The following CEP70 variants were observed in gnomAD, a reference collection of about 807,000 sequenced individuals.
CEP70 encodes centrosomal protein of 70 kDa.
CEP70 carries 70 observed loss-of-function variants against 90.9 expected under a neutral mutation model. That is an observed-to-expected ratio of 0.77 (90% CI 0.64 to 0.94). CEP70 has a LOEUF of 0.94. Among genes scored for constraint, CEP70 ranks in the 40% least tolerant of loss-of-function variants. The pLI is 0.00. For synonymous variants in CEP70, 220 were observed against 228.3 expected (o/e 0.96, Z 0.33); for missense variants, 648 against 669.0 (o/e 0.97, Z 0.35).
intron 13 of CEP70, among the ~76,000 whole-genome samples, chr3:138,504,726 A>G (rs1184452669): frequency 6.6e-6 from 1 of 152,186 alleles, no homozygotes; most frequent in Non-Finnish European, 1.5e-5. Flanking sequence ...ATAACTCTAT[A>G]AATAAAATGT....
At chr3:138,522,285 T>A (rs1301897575) in intron 11 of CEP70, among the ~76,000 whole-genome samples, 10 of 115,792 alleles carry the variant, frequency 8.6e-5, no homozygotes, top group African/African-American at 1.7e-4. Context: ...CAATAAATAC[T>A]AAAAAAATTA....
intron 6 of CEP70, among the ~76,000 whole-genome samples, chr3:138,543,614 C>A (rs2038939199): frequency 6.6e-6 from 1 of 152,182 alleles, no homozygotes; most frequent in African/African-American, 2.4e-5. Context: ...CTGTTCCTAG[C>A]CCCTGACAGC....
intron 8 of CEP70, among the ~76,000 whole-genome samples, chr3:138,531,802 A>G (rs1210436586): frequency 6.7e-6 from 1 of 150,154 alleles, no homozygotes; most frequent in Non-Finnish European, 1.5e-5. Flanking sequence ...GAAAGTCACT[A>G]TTCTTGGGGC....
intron 6 of CEP70, among the ~76,000 whole-genome samples, chr3:138,559,011 A>G (rs2040213045): frequency 5.3e-5 from 8 of 152,222 alleles, no homozygotes. Flanking sequence ...TTATGCAAAC[A>G]CCACCTCTAT....
chr3:138,500,682 A>G, intron 14 of CEP70, 53 bp downstream of exon 14: 1 of 1,509,150 alleles, frequency 6.6e-7, no homozygotes, highest in Admixed American at 2.3e-5. Flanking sequence ...TCCACAATTT[A>G]TCAGTTTTTG....
chr3:138,497,772 G>T, intron 17 of CEP70: 1 of 985,132 alleles, frequency 1.0e-6, no homozygotes, highest in Non-Finnish European at 1.2e-6. Context: ...GTTAAACTAG[G>T]CATGGACAGA....
intron 6 of CEP70, among the ~76,000 whole-genome samples, chr3:138,550,914 G>C (rs1029943431): frequency 6.6e-6 from 1 of 152,192 alleles, no homozygotes; most frequent in Non-Finnish European, 1.5e-5. Flanking sequence ...CATGCCTGAG[G>C]AGAAGAGAAA....
chr3:138,520,274 C>T (rs1411010014), intron 11 of CEP70, among the ~76,000 whole-genome samples: 23 of 150,060 alleles, frequency 1.5e-4, no homozygotes, highest in South Asian at 2.1e-4. Context: ...GACAGATCAA[C>T]GAGACAGAAA....
At chr3:138,559,250 A>G (rs1308014258) in intron 6 of CEP70, among the ~76,000 whole-genome samples, 2 of 152,212 alleles carry the variant, frequency 1.3e-5, no homozygotes, top group Non-Finnish European at 2.9e-5. Context: ...AATGATAAAT[A>G]CTAATGGAAT....
At position 138,572,906 on chromosome 3, in the gene CEP70, G is replaced by C; in HGVS notation, c.22C>G (p.Pro8Ala). MFPVAPK[P>A]QDSSQPSDRL... is the part of the protein sequence containing the mutation. ...TCTGATGGTTGACTGGAATCCTGGG[G>C]TTTAGGGGCTACCGGAAACATAGTT... Residue 8 changes from proline to alanine, a missense_variant, in exon 3 of 18, where the codon CCC (proline) becomes GCC (alanine). By Grantham distance (27) the Pro-to-Ala change is conservative (BLOSUM62 -1). Transcript: ENST00000264982. The C allele has an allele frequency of 6.2e-7, 1 of 1,611,424 alleles. No individual in the cohort carries two copies. The highest frequency in any genetic ancestry group is 1.1e-5 in the South Asian group (1 of 90,514).
chr3:138,546,579 T>C (rs897550034), intron 6 of CEP70, among the ~76,000 whole-genome samples: 34 of 152,018 alleles, frequency 2.2e-4, no homozygotes, highest in Admixed American at 2.2e-3. Context: ...TGAAACCCCG[T>C]CTCTACTGAA....
chr3:138,509,684 TTTTTA>T (rs1432250828), intron 11 of CEP70, among the ~76,000 whole-genome samples: 3 of 152,138 alleles, frequency 2.0e-5, no homozygotes, highest in African/African-American at 7.2e-5. Flanking sequence ...TAAATAAGTT[TTTTTA>T]TTTTATTTTT....
intron 17 of CEP70, chr3:138,497,256 C>T (rs1371099395): frequency 7.9e-7 from 1 of 1,266,434 alleles, no homozygotes; most frequent in African/African-American, 1.6e-5. Context: ...TTCTTCTTAT[C>T]AAGTTTTCAT....
Position 138,592,560 on chromosome 3 carries a change from CG to C in CEP70, c.-108-605del, listed in dbSNP as rs1400529914. Among the ~76,000 whole-genome samples the C allele has an allele frequency of 3.4e-5, 5 of 146,406 alleles. No individual in the cohort carries two copies. The East Asian group carries it at 9.9e-4, about 29-fold the overall frequency. Reference sequence around the variant, plus strand: ...AAATAAGATTGTTGGGGGTAGGAGTCGGGGGGTAGGAGTCGGAGGGTAGGAG... The same window carrying C: ...AAATAAGATTGTTGGGGGTAGGAGTCGGGGGTAGGAGTCGGAGGGTAGGAG... On this transcript the variant is annotated intron_variant, in intron 1 of 17. Coordinates refer to ENST00000264982, the MANE Select transcript of CEP70 (RefSeq NM_024491.4).
At chr3:138,531,916 A>G (rs1386602211) in intron 8 of CEP70, among the ~76,000 whole-genome samples, 1 of 152,168 alleles carries the variant, frequency 6.6e-6, no homozygotes, top group Non-Finnish European at 1.5e-5. Context: ...TCAAATAAAT[A>G]TTTGTTAAAA....
intron 7 of CEP70, 148 bp downstream of exon 7, chr3:138,537,030 A>G (rs2107810744): frequency 2.5e-6 from 1 of 403,278 alleles, no homozygotes; most frequent in East Asian, 3.7e-5. Context: ...GAACAGGATG[A>G]GCAGGGAAAA....
At chr3:138,567,423 C>T (rs139497090) in intron 6 of CEP70, among the ~76,000 whole-genome samples, 1 of 152,302 alleles carries the variant, frequency 6.6e-6, no homozygotes, top group African/African-American at 2.4e-5. Context: ...TCAAAACATG[C>T]CACTTTGGCA....
At chr3:138,586,799 T>A (rs1382489533) in intron 2 of CEP70, among the ~76,000 whole-genome samples, 3 of 152,220 alleles carry the variant, frequency 2.0e-5, no homozygotes, top group Non-Finnish European at 2.9e-5. Flanking sequence ...AATAATAATA[T>A]AATTGCACAC....
At chr3:138,497,989 T>G in intron 17 of CEP70, 42 bp downstream of exon 17, 1 of 1,609,652 alleles carries the variant, frequency 6.2e-7, no homozygotes, top group Non-Finnish European at 8.5e-7. Flanking sequence ...TGCACTGACA[T>G]TTTAAGACTC....
Sources: allele counts gnomAD v4.1 joint callset (sites outside exome capture counted in the v4.1 genomes callset), GRCh38; gene constraint gnomAD v4.1.1; transcripts MANE v1.5; gene names NCBI Gene and HGNC (gene_info 2026-07-23, HGNC 2026-07-21).